GRM7: variants seen among roughly 807,000 people sequenced by gnomAD.
GRM7 encodes the protein glutamate metabotropic receptor 7.
In GRM7, 35 loss-of-function variants were observed where a neutral mutation model predicts 84.5. The ratio of observed to expected loss-of-function variants is 0.41; its 90% CI spans 0.32 to 0.55. GRM7 has a LOEUF of 0.55. Among genes scored for constraint, GRM7 ranks in the 20% least tolerant of loss-of-function variants. The pLI, the probability that GRM7 is intolerant of heterozygous loss-of-function variation, is 0.19. For missense variants in GRM7, 1,003 were observed against 1,194.6 expected (o/e 0.84, Z 2.36); for synonymous variants, 487 against 455.1 (o/e 1.07, Z -0.89).
chr3:7,235,769 T>C (rs1697329209), intron 2 of GRM7, among the ~76,000 whole-genome samples: 1 of 152,216 alleles, frequency 6.6e-6, no homozygotes, highest in Admixed American at 6.5e-5. Context: ...ATAACATACA[T>C]ATAATTTTTT....
intron 9 of GRM7, among the ~76,000 whole-genome samples, chr3:7,692,690 G>T (rs551474895): frequency 6.6e-6 from 1 of 152,192 alleles, no homozygotes; most frequent in Non-Finnish European, 1.5e-5. Context: ...CTGACTTAGA[G>T]CAGTGAATTA....
In GRM7 at chr3:7,086,839, AC is replaced by A. The variant is rs1229890727; in HGVS notation, c.520-59612del. 4.6e-5 allele frequency among the ~76,000 whole-genome samples: 7 copies of A among 152,338 alleles called. No individual in the cohort carries two copies. The East Asian group carries it at 1.4e-3, about 29-fold the overall frequency. On this transcript the variant is annotated intron_variant, in intron 1 of 9. Transcript: ENST00000357716. ...AGAGATCCAGGCTCAAAATCTCAGGACTGGAAACTTTGCTTCACTTAGAGGT... is the reference window on the plus strand; with the variant it reads ...AGAGATCCAGGCTCAAAATCTCAGGATGGAAACTTTGCTTCACTTAGAGGT...
chr3:7,197,030 T>A (rs528343338), intron 2 of GRM7, among the ~76,000 whole-genome samples: 1 of 152,188 alleles, frequency 6.6e-6, no homozygotes, highest in South Asian at 2.1e-4. Context: ...TTAAAGGAGG[T>A]CTTAGAGCTT....
chr3:7,461,621 G>A lies in GRM7; in HGVS notation c.1414G>A (p.Asp472Asn), dbSNP rs772642948. 2 of 1,612,628 alleles carry A rather than the reference G, an allele frequency of 1.2e-6. No homozygotes were observed. The highest frequency in any genetic ancestry group is 2.2e-5 in the South Asian group (2 of 91,052). The change falls in exon 7 of 10, where the codon GAT becomes AAT. Residue 472 changes from aspartate (D) to asparagine (N), a missense_variant. Transcript: ENST00000357716. Reference sequence around the variant, plus strand: ...TCCAGTGATGTTTAACAAGAACGGGGATGCACCTGGGCGTTATGACATCTT... The same window carrying A: ...TCCAGTGATGTTTAACAAGAACGGGAATGCACCTGGGCGTTATGACATCTT... ...GTPVMFNKNG[D>N]APGRYDIFQY... is the part of the protein sequence containing the mutation.
chr3:7,393,027 C>G (rs755305241), intron 4 of GRM7, among the ~76,000 whole-genome samples: 1 of 152,016 alleles, frequency 6.6e-6, no homozygotes, highest in Non-Finnish European at 1.5e-5. Context: ...CACCTTGGGC[C>G]GAGACCAGAG....
At chr3:7,609,977 G>GA (rs1696771151) in intron 8 of GRM7, among the ~76,000 whole-genome samples, 1 of 152,048 alleles carries the variant, frequency 6.6e-6, no homozygotes, top group Non-Finnish European at 1.5e-5. Flanking sequence ...TTTGCTGCTG[G>GA]TTCTTGGTTG....
intron 2 of GRM7, among the ~76,000 whole-genome samples, chr3:7,184,151 G>A (rs535488916): frequency 6.6e-6 from 1 of 152,188 alleles, no homozygotes; most frequent in African/African-American, 2.4e-5. Flanking sequence ...AGACTAGAGA[G>A]AGCTATTTTA....
intron 1 of GRM7, among the ~76,000 whole-genome samples, chr3:6,872,700 G>A (rs1389149683): frequency 6.6e-6 from 1 of 151,942 alleles, no homozygotes; most frequent in Non-Finnish European, 1.5e-5. Context: ...ACTTATGAGT[G>A]AGAACATGTG....
intron 7 of GRM7, among the ~76,000 whole-genome samples, chr3:7,469,525 A>G (rs182060424): frequency 1.3e-5 from 2 of 152,354 alleles, no homozygotes; most frequent in Admixed American, 6.5e-5. Flanking sequence ...TATTTGCTAA[A>G]GTTAAAGTTA....
At chr3:7,152,744 A>G (rs891422300) in intron 2 of GRM7, among the ~76,000 whole-genome samples, 14 of 152,212 alleles carry the variant, frequency 9.2e-5, no homozygotes, top group African/African-American at 3.4e-4. Context: ...TCTTTTTAAC[A>G]TCACAATATT....
chr3:7,124,502 T>C (rs1693333821), intron 1 of GRM7, among the ~76,000 whole-genome samples: 1 of 152,102 alleles, frequency 6.6e-6, no homozygotes, highest in Non-Finnish European at 1.5e-5. Flanking sequence ...CAGAGTGATA[T>C]AGAAAATATC....
At chr3:6,945,512 G>T (rs545685867) in intron 1 of GRM7, among the ~76,000 whole-genome samples, 1 of 151,920 alleles carries the variant, frequency 6.6e-6, no homozygotes, top group Non-Finnish European at 1.5e-5. Flanking sequence ...GAATAGTGCC[G>T]CAATAAACAT....
chr3:7,603,684 T>C (rs1165313532), intron 8 of GRM7, among the ~76,000 whole-genome samples: 1 of 152,128 alleles, frequency 6.6e-6, no homozygotes, highest in Non-Finnish European at 1.5e-5. Flanking sequence ...GTTTTGTTTG[T>C]TTTCCTCCTA....
intron 4 of GRM7, among the ~76,000 whole-genome samples, chr3:7,409,449 G>A (rs73810623): frequency 1.2e-3 from 178 of 151,430 alleles, no homozygotes; most frequent in African/African-American, 4.2e-3. Context: ...GGGGTGGGGG[G>A]TAGCTATTTT....
At chr3:7,312,928 CTTTTTTTCTTTTTTTTT>C (rs1452288736) in intron 4 of GRM7, among the ~76,000 whole-genome samples, 1 of 124,110 alleles carries the variant, frequency 8.1e-6, no homozygotes, top group Non-Finnish European at 1.6e-5. Context: ...CCTTTTTTTT[CTTTTTTTCTTTTTTTTT>C]TTTTTTTTTA....
intron 1 of GRM7, among the ~76,000 whole-genome samples, chr3:7,121,909 T>C (rs1430498588): frequency 2.6e-5 from 4 of 152,174 alleles, no homozygotes; most frequent in African/African-American, 9.6e-5. Flanking sequence ...AAAGTCATTA[T>C]GGAAGGAGTG....
intron 9 of GRM7, among the ~76,000 whole-genome samples, chr3:7,729,932 T>G (rs182743772): frequency 0.014 from 1,930 of 138,326 alleles, 46 homozygotes; most frequent in Middle Eastern, 0.052. Context: ...TGGAGTACAG[T>G]GGCACGATCT....
At chr3:7,492,926 CTTT>C (rs59696402) in intron 7 of GRM7, among the ~76,000 whole-genome samples, 189 of 152,080 alleles carry the variant, frequency 1.2e-3, no homozygotes, top group African/African-American at 4.2e-3. Flanking sequence ...TGAGAATCTT[CTTT>C]AATTCATTAA....
At chr3:7,458,824 A>G (rs372374592) in intron 6 of GRM7, among the ~76,000 whole-genome samples, 1 of 152,196 alleles carries the variant, frequency 6.6e-6, no homozygotes, top group African/African-American at 2.4e-5. Context: ...CATGAATGCT[A>G]GTATCCAATG....
Sources: allele counts gnomAD v4.1 joint callset (sites outside exome capture counted in the v4.1 genomes callset), GRCh38; gene constraint gnomAD v4.1.1; transcripts MANE v1.5; gene names NCBI Gene and HGNC (gene_info 2026-07-23, HGNC 2026-07-21).